Variants in C9orf85 observed in about 807,000 individuals in gnomAD.
C9orf85 encodes uncharacterized protein C9orf85.
In C9orf85, 16 loss-of-function variants were observed where a neutral mutation model predicts 14.9. The ratio of observed to expected loss-of-function variants is 1.08; its 90% CI spans 0.73 to 1.63. The LOEUF is 1.63. Ranked by LOEUF, C9orf85 falls within the 40% of genes most tolerant of loss-of-function variation. The probability of loss-of-function intolerance (pLI) is 0.00; values close to 1 mark genes in which losing one functional copy is unlikely to be tolerated. For missense variants in C9orf85, 172 were observed against 186.1 expected, an observed-to-expected ratio of 0.92 and a Z score of 0.44; for synonymous variants, 45 against 56.8, an observed-to-expected ratio of 0.79 and a Z score of 0.93.
At chr9:71,945,402 A>G (rs1266114883) in intron 1 of C9orf85, among the ~76,000 whole-genome samples, 1 of 152,244 alleles carries the variant, frequency 6.6e-6, no homozygotes, top group Non-Finnish European at 1.5e-5. Flanking sequence ...AGTAGCATGC[A>G]GAACTGGGAC....
At chr9:71,963,119 GTTT>G (rs1822568520) in intron 2 of C9orf85, among the ~76,000 whole-genome samples, 1 of 152,096 alleles carries the variant, frequency 6.6e-6, no homozygotes, top group South Asian at 2.1e-4. Flanking sequence ...AGCGTTTTTT[GTTT>G]TTTAACTGGG....
intron 2 of C9orf85, among the ~76,000 whole-genome samples, chr9:71,963,163 G>C (rs929250236): frequency 1.3e-5 from 2 of 152,184 alleles, no homozygotes; most frequent in Admixed American, 1.3e-4. Flanking sequence ...GTGATTACTA[G>C]TATAATTTGA....
intron 1 of C9orf85, among the ~76,000 whole-genome samples, chr9:71,928,186 C>CA (rs58238164): frequency 6.7e-5 from 5 of 74,276 alleles, no homozygotes; most frequent in African/African-American, 2.2e-4. Context: ...GGCTCTGTCT[C>CA]AAAAAAAAAA....
At chr9:71,967,094 G>A (rs1257908083) in intron 2 of C9orf85, among the ~76,000 whole-genome samples, 2 of 152,048 alleles carry the variant, frequency 1.3e-5, no homozygotes, top group African/African-American at 4.8e-5. Context: ...TTCTGGAGAG[G>A]GCCCATTTAA....
At chr9:71,929,219 C>T (rs529166064) in intron 1 of C9orf85, among the ~76,000 whole-genome samples, 36 of 152,272 alleles carry the variant, frequency 2.4e-4, no homozygotes, top group African/African-American at 7.9e-4. Flanking sequence ...GTTTGTAAGA[C>T]TTAACTCCAT....
chr9:71,919,420 G>T (rs966642997), intron 1 of C9orf85, among the ~76,000 whole-genome samples: 4 of 152,204 alleles, frequency 2.6e-5, no homozygotes, highest in Non-Finnish European at 4.4e-5. Flanking sequence ...CCATAGATCT[G>T]AATTGACCAT....
intron 2 of C9orf85, among the ~76,000 whole-genome samples, chr9:71,960,144 T>A (rs1249307964): frequency 6.6e-6 from 1 of 151,948 alleles, no homozygotes; most frequent in Non-Finnish European, 1.5e-5. Flanking sequence ...GAGAGACAGG[T>A]CTAGAAAAAA....
intron 3 of C9orf85, 62 bp from the exon 4 acceptor site, chr9:71,972,630 A>G (rs1468058367): frequency 1.9e-5 from 24 of 1,282,432 alleles, no homozygotes; most frequent in African/African-American, 3.0e-5. Context: ...AGTCTTTTCA[A>G]TCTACATGGT....
chr9:71,913,139 CTA>C (rs1409113415), intron 1 of C9orf85, among the ~76,000 whole-genome samples: 1 of 152,154 alleles, frequency 6.6e-6, no homozygotes, highest in Non-Finnish European at 1.5e-5. Context: ...GGAGGCGAAA[CTA>C]TATGATTATG....
At chr9:71,945,807 G>C (rs978772745) in intron 1 of C9orf85, among the ~76,000 whole-genome samples, 1 of 151,998 alleles carries the variant, frequency 6.6e-6, no homozygotes, top group Non-Finnish European at 1.5e-5. Flanking sequence ...AATTTTAAAA[G>C]AAAACAAAAG....
intron 2 of C9orf85, among the ~76,000 whole-genome samples, chr9:71,949,221 A>G (rs1274650928): frequency 2.6e-5 from 4 of 152,244 alleles, no homozygotes; most frequent in Non-Finnish European, 5.9e-5. Flanking sequence ...ACATTTATGT[A>G]GTCACAGCAT....
rs574851967 is a variant in C9orf85, at chr9:71,920,695, A to G, written c.102+8859A>G. On this transcript the variant is annotated intron_variant, in intron 1 of 3. Coordinates refer to ENST00000334731, the MANE Select transcript of C9orf85 (RefSeq NM_182505.5). ...CAGCTGCCAGCTCACTTCAACCTCA[A>G]TGGCTGGTGCTGTTTTTCACATCTT... is the stretch of plus-strand genomic sequence containing the variant. Among the ~76,000 whole-genome samples, 239 of 152,332 alleles carry G rather than the reference A, an allele frequency of 1.6e-3. 2 individuals are homozygous for G. Among genetic ancestry groups the G allele is most frequent in the Non-Finnish European group, 2.7e-3 (184 of 68,018 alleles).
At position 71,939,642 on chromosome 9, in the gene C9orf85, G is replaced by A. The variant is rs117428469; in HGVS notation, c.103-7364G>A. 3.7e-3 allele frequency among the ~76,000 whole-genome samples: 570 copies of A among 152,176 alleles called. 3 individuals are homozygous for A. Among genetic ancestry groups the A allele is most frequent in the Middle Eastern group, 0.014 (4 of 294 alleles). On this transcript the variant is annotated intron_variant, in intron 1 of 3. Transcript: ENST00000334731. ...CTAAAATTTATATAGAAAAGCAGAGGAATTAGAATAGCCAAACAATTTTGG... is the reference window on the plus strand; with the variant it reads ...CTAAAATTTATATAGAAAAGCAGAGAAATTAGAATAGCCAAACAATTTTGG...
chr9:71,917,940 T>G (rs1827694936), intron 1 of C9orf85, among the ~76,000 whole-genome samples: 2 of 152,212 alleles, frequency 1.3e-5, no homozygotes, highest in African/African-American at 4.8e-5. Flanking sequence ...CACAGCACTT[T>G]GGGAGGCCAA....
At chr9:71,959,823 T>C (rs1822469908) in intron 2 of C9orf85, among the ~76,000 whole-genome samples, 1 of 152,232 alleles carries the variant, frequency 6.6e-6, no homozygotes, top group Admixed American at 6.5e-5. Flanking sequence ...TCCATGGTTA[T>C]ATTGGGGAAT....
intron 1 of C9orf85, among the ~76,000 whole-genome samples, chr9:71,928,579 G>A (rs1827987062): frequency 6.6e-6 from 1 of 152,084 alleles, no homozygotes; most frequent in African/African-American, 2.4e-5. Flanking sequence ...GTTGGAAGGA[G>A]TCCTAAACTT....
At chr9:71,944,133 C>G (rs1822019265) in intron 1 of C9orf85, among the ~76,000 whole-genome samples, 1 of 151,410 alleles carries the variant, frequency 6.6e-6, no homozygotes, top group Non-Finnish European at 1.5e-5. Context: ...GCTCAGGAGG[C>G]CGAGACAGGA....
chr9:71,957,419 A>C (rs1213470073), intron 2 of C9orf85, among the ~76,000 whole-genome samples: 1 of 152,188 alleles, frequency 6.6e-6, no homozygotes, highest in Non-Finnish European at 1.5e-5. Context: ...GTAATTATTA[A>C]ATATCATATT....
At chr9:71,912,504 TG>T (rs1323752495) in intron 1 of C9orf85, among the ~76,000 whole-genome samples, 1 of 152,062 alleles carries the variant, frequency 6.6e-6, no homozygotes, top group Non-Finnish European at 1.5e-5. Flanking sequence ...CCCAGCACTT[TG>T]GGAGGCCGAA....
Sources: allele counts gnomAD v4.1 joint callset (sites outside exome capture counted in the v4.1 genomes callset), GRCh38; gene constraint gnomAD v4.1.1; transcripts MANE v1.5; gene names NCBI Gene and HGNC (gene_info 2026-07-23, HGNC 2026-07-21).